Variants in PAK3 observed in about 807,000 individuals in gnomAD.
PAK3 encodes the protein p21 (RAC1) activated kinase 3.
Under a neutral mutation model 41.0 loss-of-function variants are expected in PAK3, and 4 were observed. The ratio of observed to expected loss-of-function variants is 0.10; its 90% CI spans 0.05 to 0.22. The LOEUF (loss-of-function observed/expected upper bound fraction) is 0.22, where lower values mean the gene tolerates loss of function less well. Ranked by LOEUF, PAK3 falls within the 10% of genes least tolerant of loss-of-function variation. The pLI is 1.00. For missense variants in PAK3, 205 were observed against 409.9 expected (o/e 0.50, Z 4.32); for synonymous variants, 146 against 139.6 (o/e 1.05, Z -0.32).
intron 1 of PAK3, among the ~76,000 whole-genome samples, chrX:110,960,682 T>C (rs1284828103): frequency 9.0e-6 from 1 of 111,348 alleles, no homozygotes; most frequent in Non-Finnish European, 1.9e-5. Flanking sequence ...TGACTTTTAT[T>C]TGAAGTTTCC....
chrX:110,996,373 T>C (rs1266504342), intron 1 of PAK3, among the ~76,000 whole-genome samples: 3 of 112,271 alleles, frequency 2.7e-5, no homozygotes, highest in Non-Finnish European at 3.8e-5. Context: ...ATCCCAACCA[T>C]TATCAAACTT....
chrX:110,988,717 G>GT (rs1171826569), intron 1 of PAK3, among the ~76,000 whole-genome samples: 2 of 111,827 alleles, frequency 1.8e-5, no homozygotes, highest in African/African-American at 6.5e-5. Context: ...TGCTATTCTT[G>GT]GATCAACAGA....
chrX:110,977,031 A>T (rs1418318503), intron 1 of PAK3, among the ~76,000 whole-genome samples: 1 of 110,601 alleles, frequency 9.0e-6, no homozygotes, highest in Non-Finnish European at 1.9e-5. Flanking sequence ...TGGAGGCAGC[A>T]AACCAACATG....
intron 1 of PAK3, among the ~76,000 whole-genome samples, chrX:111,016,124 C>T (rs1054627037): frequency 8.9e-6 from 1 of 112,410 alleles, no homozygotes; most frequent in Non-Finnish European, 1.9e-5. Context: ...TAGGTGCTCA[C>T]GAATATGTAC....
chrX:111,192,354 A>T (rs763395994), intron 12 of PAK3, 152 bp from the exon 13 acceptor site: 10 of 389,212 alleles, frequency 2.6e-5, no homozygotes, highest in Non-Finnish European at 4.4e-6. Context: ...ACCAAAAAAT[A>T]AAAAAAAAAG....
intron 8 of PAK3, among the ~76,000 whole-genome samples, chrX:111,158,964 T>C (rs1329428488): frequency 9.0e-6 from 1 of 111,682 alleles, no homozygotes; most frequent in East Asian, 2.8e-4. Context: ...AATCATTCTT[T>C]TTGCCTCTAG....
At chrX:111,076,841 A>G (rs1199283373) in intron 1 of PAK3, among the ~76,000 whole-genome samples, 2 of 111,984 alleles carry the variant, frequency 1.8e-5, no homozygotes, top group African/African-American at 6.5e-5. Context: ...GGCAAGAGAA[A>G]GAAATAAAAG....
At chrX:111,053,518 T>A (rs1422003694) in intron 1 of PAK3, among the ~76,000 whole-genome samples, 2 of 111,782 alleles carry the variant, frequency 1.8e-5, no homozygotes, top group Non-Finnish European at 3.8e-5. Flanking sequence ...GTACTATAAT[T>A]GGCTGTAATT....
intron 1 of PAK3, among the ~76,000 whole-genome samples, chrX:111,034,761 C>T (rs191880085): frequency 9.0e-6 from 1 of 111,099 alleles, no homozygotes; most frequent in African/African-American, 3.3e-5. Context: ...AACTATATGA[C>T]CTTAGGCAAG....
chrX:110,972,398 G>A (rs755615505), intron 1 of PAK3, among the ~76,000 whole-genome samples: 49 of 111,942 alleles, frequency 4.4e-4, no homozygotes, highest in African/African-American at 1.4e-3. Context: ...TGCAGCCTCC[G>A]CTGGAGATAC....
intron 1 of PAK3, among the ~76,000 whole-genome samples, chrX:111,000,043 A>C (rs2091820904): frequency 9.0e-6 from 1 of 111,137 alleles, no homozygotes; most frequent in African/African-American, 3.3e-5. Context: ...ATTCCCTCTC[A>C]CTGGGGCACA....
chrX:111,119,404 G>T (rs1194835956), intron 4 of PAK3, among the ~76,000 whole-genome samples: 3 of 112,050 alleles, frequency 2.7e-5, no homozygotes, highest in African/African-American at 9.7e-5. Context: ...GTCTCTAAAA[G>T]AAAAATGAAT....
intron 1 of PAK3, among the ~76,000 whole-genome samples, chrX:111,025,182 G>T (rs1406972741): frequency 9.0e-6 from 1 of 110,918 alleles, no homozygotes; most frequent in African/African-American, 3.3e-5. Flanking sequence ...AGCATTAAAT[G>T]CCTACATCAA....
At chrX:111,085,273 T>G (rs2092872564) in intron 1 of PAK3, among the ~76,000 whole-genome samples, 1 of 111,751 alleles carries the variant, frequency 8.9e-6, no homozygotes, top group Non-Finnish European at 1.9e-5. Context: ...CCCAGGGGCT[T>G]GGCTAAACTA....
chrX:111,110,618 A>T (rs2093353602), intron 4 of PAK3, among the ~76,000 whole-genome samples: 1 of 111,353 alleles, frequency 9.0e-6, no homozygotes, highest in African/African-American at 3.3e-5. Context: ...GCTGAGTGAC[A>T]TAGGGCCACA....
intron 1 of PAK3, among the ~76,000 whole-genome samples, chrX:111,021,759 T>C (rs1356730673): frequency 9.1e-6 from 1 of 110,120 alleles, no homozygotes; most frequent in Admixed American, 9.8e-5. Flanking sequence ...AAAGTCCAAC[T>C]TAAAGAAATC....
rs776125884 is a variant in PAK3, at chrX:111,023,626, A to C, written c.-28+78998A>C. Among the ~76,000 whole-genome samples the C allele has an allele frequency of 5.3e-5, 6 of 112,247 alleles. No homozygotes were observed. In the South Asian group the frequency reaches 2.2e-3, roughly 42 times the overall value. ...GTATCTCATTGTGGTTTTGATCTGC[A>C]TTTCTCTAATGACCAGTGATGATGA... On this transcript the variant is annotated intron_variant, in intron 1 of 14. Coordinates refer to the PAK3 transcript ENST00000425146.
chrX:111,017,520 A>G (rs1210691106), intron 1 of PAK3, among the ~76,000 whole-genome samples: 1 of 111,985 alleles, frequency 8.9e-6, no homozygotes. Context: ...GTAGAAACAT[A>G]CAGCCTACCA....
At chrX:110,984,670 A>G (rs1457312762) in intron 1 of PAK3, among the ~76,000 whole-genome samples, 1 of 112,029 alleles carries the variant, frequency 8.9e-6, no homozygotes, top group Non-Finnish European at 1.9e-5. Context: ...AGGTTGTACA[A>G]GAAAAGACTA....
Sources: allele counts gnomAD v4.1 joint callset (sites outside exome capture counted in the v4.1 genomes callset), GRCh38; gene constraint gnomAD v4.1.1; transcripts MANE v1.5; gene names NCBI Gene and HGNC (gene_info 2026-07-23, HGNC 2026-07-21).